The following ARHGEF12 variants were observed in gnomAD, a reference collection of about 807,000 sequenced individuals.
ARHGEF12 encodes the protein KMT2A/ARHGEF12 fusion protein.
A neutral mutation model predicts 211.2 loss-of-function variants in ARHGEF12; 66 were observed. The observed-to-expected ratio is 0.31, with a 90% CI of 0.26 to 0.38. The LOEUF is 0.38. Ranked by LOEUF, ARHGEF12 falls within the 10% of genes least tolerant of loss-of-function variation. The pLI, the probability that ARHGEF12 is intolerant of heterozygous loss-of-function variation, is 1.00. For synonymous variants in ARHGEF12, 592 were observed against 638.4 expected (o/e 0.93, Z 1.09); for missense variants, 1,429 against 1,869.5 (o/e 0.76, Z 4.34).
chr11:120,337,296 C>T (rs551267432), intron 1 of ARHGEF12, 21 bp downstream of exon 1: 48 of 1,609,874 alleles, frequency 3.0e-5, no homozygotes, highest in African/African-American at 5.3e-5. Flanking sequence ...ATTCCTCCTT[C>T]GTTCGGCCTC....
At chr11:120,480,554 A>T in intron 38 of ARHGEF12, 124 bp downstream of exon 38, 2 of 929,808 alleles carry the variant, frequency 2.2e-6, no homozygotes, top group Non-Finnish European at 3.2e-6. Flanking sequence ...CACATGTGCA[A>T]TATTTATTCC....
chr11:120,415,172 T>G (rs902437271), intron 4 of ARHGEF12, among the ~76,000 whole-genome samples: 2 of 152,200 alleles, frequency 1.3e-5, no homozygotes, highest in Non-Finnish European at 2.9e-5. Flanking sequence ...AGCTGGTTTT[T>G]GGGTTTTTTT....
In ARHGEF12 at chr11:120,446,442, G is replaced by A. The variant is rs189894068; in HGVS notation, c.1385G>A (p.Arg462His). ...GAGCTCATTCCTGAGGATCTGCATC[G>A]CCACTATATCCAAACTATGCAAGAA... Reference protein sequence around the residue: ...RPELIPEDLHRHYIQTMQERV... With the variant: ...RPELIPEDLHHHYIQTMQERV... The change falls in exon 17 of 41, where the codon CGC (arginine) becomes CAC (histidine). Residue 462 changes from arginine to histidine, a missense_variant. By Grantham distance (29) the Arg-to-His change is conservative. This residue lies in a region of ARHGEF12 where 373 missense variants were observed against 467.5 expected (regional missense o/e 0.80). Coordinates refer to ENST00000397843, the MANE Select transcript of ARHGEF12 (RefSeq NM_015313.3). The A allele has an allele frequency of 3.2e-5, 52 of 1,612,748 alleles. No individual in the cohort carries two copies. The highest frequency in any genetic ancestry group is 3.3e-5 in the South Asian group (3 of 90,814).
At chr11:120,414,398 T>C (rs113085389) in intron 4 of ARHGEF12, among the ~76,000 whole-genome samples, 1 of 150,084 alleles carries the variant, frequency 6.7e-6, no homozygotes, top group African/African-American at 2.5e-5. Context: ...AGGCTGTGAT[T>C]TTTTTTCTAA....
rs1053060983 is a variant in ARHGEF12, at chr11:120,486,255, G to C, written c.*1178G>C. The C allele has an allele frequency of 3.0e-5, 7 of 233,490 alleles. No individual in the cohort carries two copies. In the East Asian group the frequency reaches 3.6e-4, roughly 12 times the overall value. 14.5% of individuals were successfully genotyped at this position (233,490 alleles called of 1,614,324 possible). A position where few individuals can be genotyped will look rare whatever the true frequency, so the allele number is the denominator to read the frequency against. On this transcript the variant is annotated 3_prime_UTR_variant, in exon 41 of 41. Coordinates refer to ENST00000397843, the MANE Select transcript of ARHGEF12 (RefSeq NM_015313.3). Reference sequence around the variant, plus strand: ...TGCACTGATGGTGCCAAAGGGCCCTGAGTCAAAAGGATAGCCAAGGGTGGA... The same window carrying C: ...TGCACTGATGGTGCCAAAGGGCCCTCAGTCAAAAGGATAGCCAAGGGTGGA...
intron 1 of ARHGEF12, among the ~76,000 whole-genome samples, chr11:120,396,519 G>C (rs1944392746): frequency 6.6e-6 from 1 of 152,122 alleles, no homozygotes; most frequent in Non-Finnish European, 1.5e-5. Flanking sequence ...TGATGAAAAG[G>C]GTACTTCACC....
In ARHGEF12 at chr11:120,459,246, C is replaced by T. The variant is rs781334964; in HGVS notation, c.2453C>T (p.Ser818Phe). 1.9e-6 allele frequency: 3 copies of T among 1,613,568 alleles called. No individual in the cohort carries two copies. The highest frequency in any genetic ancestry group is 2.2e-5 in the South Asian group (2 of 91,056). The stretch of plus-strand genomic sequence containing the variant: ...GATCAAGTGTTCTATCAGCGAGTAT[C>T]CAGAGAAGGAATTCTGTCACCCTCA... ...VLDQVFYQRV[S>F]REGILSPSEL... The change falls in exon 26 of 41, where the codon TCC becomes TTC. Residue 818 changes from serine to phenylalanine, a missense_variant. Physicochemically the swap from Ser to Phe is radical, Grantham distance 155. This residue lies in a region of ARHGEF12 where 223 missense variants were observed against 444.6 expected (regional missense o/e 0.50). Transcript: ENST00000397843.
In ARHGEF12 at chr11:120,486,500, G is replaced by C. The variant is rs867415021; in HGVS notation, c.*1423G>C. On this transcript the variant is annotated 3_prime_UTR_variant, in exon 41 of 41. Transcript: ENST00000397843. The stretch of plus-strand genomic sequence containing the variant: ...CCTACAGAGGGTAAGTTTCAGAATT[G>C]TAATTTGAGAACTCCTTCAATTATA... The C allele has an allele frequency of 4.8e-5, 11 of 230,032 alleles. No homozygotes were observed. The highest frequency in any genetic ancestry group is 2.2e-4 in the African/African-American group (10 of 45,162). The allele number at this position is 230,032 out of a possible 1,614,324, so 14.2% of individuals were successfully genotyped here. A position where few individuals can be genotyped will look rare whatever the true frequency, so the allele number is the denominator to read the frequency against.
intron 1 of ARHGEF12, among the ~76,000 whole-genome samples, chr11:120,346,021 G>C (rs1360803901): frequency 5.3e-5 from 8 of 151,984 alleles, no homozygotes; most frequent in Admixed American, 2.6e-4. Flanking sequence ...TACACACACA[G>C]AAAATTCAAA....
At chr11:120,348,245 T>C (rs1335533028) in intron 1 of ARHGEF12, among the ~76,000 whole-genome samples, 1 of 152,206 alleles carries the variant, frequency 6.6e-6, no homozygotes, top group East Asian at 1.9e-4. Context: ...TTTTGGTTAC[T>C]TGTGACAATA....
chr11:120,442,224 G>A, intron 15 of ARHGEF12, 22 bp downstream of exon 15: 3 of 1,558,552 alleles, frequency 1.9e-6, no homozygotes, highest in Non-Finnish European at 2.6e-6. Flanking sequence ...AGTTAATGTT[G>A]TAATCTTTGC....
intron 1 of ARHGEF12, among the ~76,000 whole-genome samples, chr11:120,398,664 A>G (rs980765374): frequency 2.0e-5 from 3 of 152,202 alleles, no homozygotes; most frequent in Non-Finnish European, 4.4e-5. Flanking sequence ...CACTTGTGAA[A>G]AGAAGTCTCT....
rs1366962203 is a variant in ARHGEF12 at position 120,486,826 on chromosome 11, C to G, written c.*1749C>G. On this transcript the variant is annotated 3_prime_UTR_variant, in exon 41 of 41. Coordinates refer to ENST00000397843, the MANE Select transcript of ARHGEF12 (RefSeq NM_015313.3). ...ATTTCTGTTTCTGTCCTAAATTGAT[C>G]TGTGTTTTTAGGTGGATCAACTTGG... The G allele has an allele frequency of 4.6e-6, 1 of 216,422 alleles. No homozygotes were observed. The highest frequency in any genetic ancestry group is 9.3e-6 in the Non-Finnish European group (1 of 107,544). The allele number at this position is 216,422 out of a possible 1,614,324, so 13.4% of individuals were successfully genotyped here.
intron 4 of ARHGEF12, among the ~76,000 whole-genome samples, chr11:120,418,126 G>T (rs1945083236): frequency 6.6e-6 from 1 of 152,134 alleles, no homozygotes; most frequent in Admixed American, 6.5e-5. Flanking sequence ...AGAAAATTTT[G>T]ACAAATGACT....
intron 16 of ARHGEF12, among the ~76,000 whole-genome samples, chr11:120,446,198 A>AAAT (rs59459827): frequency 0.048 from 6,732 of 140,284 alleles, 309 homozygotes; most frequent in African/African-American, 0.12. Context: ...ACTCCATCTC[A>AAAT]AATAATAATA....
chr11:120,435,571 G>A (rs1351557925), intron 11 of ARHGEF12, among the ~76,000 whole-genome samples: 1 of 143,466 alleles, frequency 7.0e-6, no homozygotes, highest in African/African-American at 2.6e-5. Context: ...CTGGAGTGCA[G>A]TGACGCAATC....
At chr11:120,469,557 T>C (rs1946806775) in intron 30 of ARHGEF12, among the ~76,000 whole-genome samples, 169 bp downstream of exon 30, 1 of 152,224 alleles carries the variant, frequency 6.6e-6, no homozygotes, top group Non-Finnish European at 1.5e-5. Flanking sequence ...TGATAGAATA[T>C]CGGAGTTGTA....
At chr11:120,379,841 T>A (rs1459160310) in intron 1 of ARHGEF12, among the ~76,000 whole-genome samples, 1 of 152,138 alleles carries the variant, frequency 6.6e-6, no homozygotes, top group Non-Finnish European at 1.5e-5. Context: ...TTCTTTTTAT[T>A]TATTGATAGA....
intron 1 of ARHGEF12, among the ~76,000 whole-genome samples, chr11:120,369,125 C>CT (rs1183494101): frequency 0.01 from 1,331 of 127,288 alleles, 19 homozygotes; most frequent in African/African-American, 0.029. Flanking sequence ...TTCTTTTCTT[C>CT]TTTTTTTTTT....
Sources: allele counts gnomAD v4.1 joint callset (sites outside exome capture counted in the v4.1 genomes callset), GRCh38; gene constraint gnomAD v4.1.1; regional missense constraint gnomAD v4.1.1; transcripts MANE v1.5; gene names NCBI Gene and HGNC (gene_info 2026-07-23, HGNC 2026-07-21).